KLHL4: variants seen among roughly 807,000 people sequenced by gnomAD.
The protein encoded by KLHL4 is kelch like family member 4.
A neutral mutation model predicts 45.8 loss-of-function variants in KLHL4; 17 were observed. The ratio of observed to expected loss-of-function variants is 0.37; its 90% CI spans 0.25 to 0.56. The LOEUF is 0.56. Among genes scored for constraint, KLHL4 ranks in the 20% least tolerant of loss-of-function variants. KLHL4 has a pLI of 0.79. For missense variants in KLHL4, 544 were observed against 544.9 expected, an observed-to-expected ratio of 1.00 and a Z score of 0.02; for synonymous variants, 224 against 189.9, an observed-to-expected ratio of 1.18 and a Z score of -1.47.
chrX:87,664,283 T>G (rs1458603049), intron 9 of KLHL4, among the ~76,000 whole-genome samples: 1 of 111,898 alleles, frequency 8.9e-6, no homozygotes, highest in South Asian at 3.7e-4. Flanking sequence ...CTGCAAATAG[T>G]ATTAAAACCA....
At position 87,664,019 on chromosome X, in the gene KLHL4, G is replaced by A. The variant is rs190667630; in HGVS notation, c.1926-745G>A. ...AGCATTTTTGTGTGTAATTTTATGAGTTTTCTTCATTGTTCACCTTTTAGA... is the reference window on the plus strand; with the variant it reads ...AGCATTTTTGTGTGTAATTTTATGAATTTTCTTCATTGTTCACCTTTTAGA... On this transcript the variant is annotated intron_variant, in intron 9 of 10. Coordinates refer to ENST00000373119, the MANE Select transcript of KLHL4 (RefSeq NM_019117.5). Among the ~76,000 whole-genome samples the A allele has an allele frequency of 2.5e-3, 276 of 111,287 alleles. 1 individual carries two copies. The highest frequency in any genetic ancestry group is 8.7e-3 in the African/African-American group (266 of 30,680).
At position 87,622,458 on chromosome X, in the gene KLHL4, T is replaced by C. The variant is rs149065383; in HGVS notation, c.1137+35T>C. On this transcript the variant is annotated intron_variant, in intron 5 of 10. Transcript: ENST00000373119. Reference sequence around the variant, plus strand: ...ATTACCTAGGTAATTTAAAATATAGTTCTGAACTACCACTAGGCACTAATC... The same window carrying C: ...ATTACCTAGGTAATTTAAAATATAGCTCTGAACTACCACTAGGCACTAATC... 985 of 939,063 alleles carry C rather than the reference T, an allele frequency of 1.0e-3. 4 individuals are homozygous for C. The African/African-American group carries it at 0.017, about 16-fold the overall frequency. The allele number at this position is 939,063 out of a possible 1,213,427, so 77.4% of individuals were successfully genotyped here.
chrX:87,557,656 A>G (rs766431357), intron 1 of KLHL4, among the ~76,000 whole-genome samples: 8 of 111,794 alleles, frequency 7.2e-5, no homozygotes, highest in Non-Finnish European at 1.3e-4. Context: ...TTATATTCAC[A>G]TTTCCAAAAG....
At chrX:87,585,118 C>G (rs1429769569) in intron 1 of KLHL4, among the ~76,000 whole-genome samples, 1 of 111,229 alleles carries the variant, frequency 9.0e-6, no homozygotes, top group Non-Finnish European at 1.9e-5. Context: ...ACCTTTTACT[C>G]TAGAATAATA....
At chrX:87,611,649 G>A (rs1320492287) in intron 1 of KLHL4, among the ~76,000 whole-genome samples, 1 of 57,596 alleles carries the variant, frequency 1.7e-5, no homozygotes, top group African/African-American at 7.2e-5. Context: ...CTATGTTACT[G>A]GTTTAAGTAC....
chrX:87,587,270 G>A (rs1377152386), intron 1 of KLHL4, among the ~76,000 whole-genome samples: 6 of 109,872 alleles, frequency 5.5e-5, no homozygotes, highest in Admixed American at 2.0e-4. Context: ...TAGAGGAGGA[G>A]GTAACACTTT....
intron 1 of KLHL4, among the ~76,000 whole-genome samples, chrX:87,541,917 G>A (rs12844667): frequency 0.26 from 29,162 of 110,845 alleles, 2,944 homozygotes; most frequent in Non-Finnish European, 0.32. Context: ...TGTGAGCAAC[G>A]AAGTCCAGGC....
chrX:87,649,792 C>G (rs1923748172), intron 9 of KLHL4, among the ~76,000 whole-genome samples: 1 of 111,311 alleles, frequency 9.0e-6, no homozygotes, highest in South Asian at 3.8e-4. Flanking sequence ...TCAGTGGCCT[C>G]AGCACCATTG....
Position 87,625,781 on chromosome X carries a change from A to C in KLHL4, c.1309A>C (p.Met437Leu). Residue 437 changes from methionine (M) to leucine (L), a missense_variant, in exon 6 of 11, where the codon ATG becomes CTG. Coordinates refer to ENST00000373119, the MANE Select transcript of KLHL4 (RefSeq NM_019117.5). ...TVGALYAVGG[M>L]DAMKGTTTIE... ...GGGGGCACTTTATGCTGTAGGAGGCATGGATGCTATGAAAGGTAAAAATAA... is the reference window on the plus strand; with the variant it reads ...GGGGGCACTTTATGCTGTAGGAGGCCTGGATGCTATGAAAGGTAAAAATAA... 8.4e-7 allele frequency: 1 copy of C among 1,196,453 alleles called. No homozygotes were observed. The highest frequency in any genetic ancestry group is 1.1e-6 in the Non-Finnish European group (1 of 887,320).
intron 4 of KLHL4, among the ~76,000 whole-genome samples, chrX:87,621,871 G>C: frequency 9.0e-6 from 1 of 111,648 alleles, no homozygotes. Flanking sequence ...CAACCAGACA[G>C]TCAGCTCTGA....
At chrX:87,654,588 A>G (rs776793660) in intron 9 of KLHL4, among the ~76,000 whole-genome samples, 39 of 111,656 alleles carry the variant, frequency 3.5e-4, no homozygotes, top group Non-Finnish European at 6.2e-4. Flanking sequence ...GCTATTGTGA[A>G]TAGTGCTGCA....
chrX:87,610,205 T>C (rs1922327327), intron 1 of KLHL4, among the ~76,000 whole-genome samples: 1 of 111,973 alleles, frequency 8.9e-6, no homozygotes, highest in African/African-American at 3.2e-5. Flanking sequence ...CTGACATACT[T>C]ATTTGTTTAC....
intron 9 of KLHL4, among the ~76,000 whole-genome samples, chrX:87,648,118 G>A (rs1468849687): frequency 1.8e-5 from 2 of 110,708 alleles, no homozygotes; most frequent in African/African-American, 6.6e-5. Flanking sequence ...GTGTATCTTG[G>A]TTAAAATAAA....
At chrX:87,591,668 A>G (rs1449106922) in intron 1 of KLHL4, among the ~76,000 whole-genome samples, 1 of 111,398 alleles carries the variant, frequency 9.0e-6, no homozygotes, top group Non-Finnish European at 1.9e-5. Flanking sequence ...CTATTTGTCT[A>G]TTTTTGTTTG....
At chrX:87,659,325 G>T (rs1391763152) in intron 9 of KLHL4, among the ~76,000 whole-genome samples, 4 of 108,525 alleles carry the variant, frequency 3.7e-5, no homozygotes, top group Non-Finnish European at 3.8e-5. Context: ...TCACCATATT[G>T]GCCAGGCTGG....
chrX:87,535,880 T>C (rs1931417014), intron 1 of KLHL4, among the ~76,000 whole-genome samples: 1 of 109,915 alleles, frequency 9.1e-6, no homozygotes, highest in South Asian at 3.9e-4. Flanking sequence ...TAAAAGTGTA[T>C]AGCGCCTCCC....
chrX:87,664,878 A>G lies in KLHL4; in HGVS notation c.2040A>G (p.Gly680=). The G allele has an allele frequency of 8.3e-7, 1 of 1,200,356 alleles. No homozygotes were observed. Among genetic ancestry groups the G allele is most frequent in the South Asian group, 1.8e-5 (1 of 56,452 alleles). ...TCTACGTGGTTGGAGGATATGACGGACATACTTATTTGAACACAGTTGAGT... is the reference window on the plus strand; with the variant it reads ...TCTACGTGGTTGGAGGATATGACGGGCATACTTATTTGAACACAGTTGAGT... The part of the protein sequence containing the change: ...DKLYVVGGYD[G]HTYLNTVESY... Residue 680 remains glycine, a synonymous_variant, in exon 10 of 11, where the codon GGA becomes GGG. Coordinates refer to ENST00000373119, the MANE Select transcript of KLHL4 (RefSeq NM_019117.5).
At chrX:87,530,989 T>C in intron 1 of KLHL4, among the ~76,000 whole-genome samples, 2 of 111,890 alleles carry the variant, frequency 1.8e-5, no homozygotes, top group Middle Eastern at 9.3e-3. Context: ...GGTATCTCAT[T>C]GTGGTTTTGA....
intron 1 of KLHL4, among the ~76,000 whole-genome samples, chrX:87,543,140 C>T (rs1242529353): frequency 9.0e-6 from 1 of 111,399 alleles, no homozygotes; most frequent in African/African-American, 3.3e-5. Flanking sequence ...TTCCTGAGGC[C>T]TCCCCAGCCA....
Sources: gnomAD v4.1 joint callset for allele counts (sites outside exome capture counted in the v4.1 genomes callset) on GRCh38, gnomAD v4.1.1 for gene constraint, MANE v1.5 for transcripts, NCBI Gene and HGNC (gene_info 2026-07-23, HGNC 2026-07-21) for gene names.